MKI67: variants seen among roughly 807,000 people sequenced by gnomAD.
MKI67 encodes marker of proliferation Ki-67, also known as proliferation marker protein Ki-67.
In MKI67, 152 loss-of-function variants were observed where a neutral mutation model predicts 233.5. That is an observed-to-expected ratio of 0.65 (90% confidence interval 0.57 to 0.74). The LOEUF is 0.74. MKI67 is among the 30% of genes least tolerant of loss of function. MKI67 has a pLI of 0.00. For synonymous variants in MKI67, 1,465 were observed against 1,418.5 expected, an observed-to-expected ratio of 1.03 and a Z score of -0.74; for missense variants, 3,940 against 3,885.2, an observed-to-expected ratio of 1.01 and a Z score of -0.37.
Position 128,103,728 on chromosome 10 carries a change from T to C in MKI67, c.8112A>G (p.Ile2704Met). The change falls in exon 13 of 15, where the codon ATA becomes ATG. Residue 2704 changes from isoleucine to methionine, a missense_variant. Coordinates refer to ENST00000368654, the MANE Select transcript of MKI67 (RefSeq NM_002417.5). ...CTTCTAGTGGGGGAGATTCGCAGGG[T>C]ATTTTAGTGGCTTTGCCAGCAGTCA... ...ESLTAGKATK[I>M]PCESPPLEVV... The C allele has an allele frequency of 6.2e-7, 1 of 1,613,734 alleles. No individual in the cohort carries two copies. The highest frequency in any genetic ancestry group is 8.5e-7 in the Non-Finnish European group (1 of 1,179,948).
intron 7 of MKI67, 47 bp from the exon 8 acceptor site, chr10:128,113,649 C>G: frequency 1.3e-6 from 2 of 1,542,800 alleles, no homozygotes; most frequent in Middle Eastern, 1.7e-4. Context: ...AAAAACATAC[C>G]AAGACTAGTG....
Position 128,105,992 on chromosome 10 carries a change from C to A in MKI67, c.5848G>T (p.Ala1950Ser), listed in dbSNP as rs746888517. 3 of 1,614,186 alleles carry A rather than the reference C, an allele frequency of 1.9e-6. No homozygotes were observed. In the East Asian group the frequency reaches 6.7e-5, roughly 36 times the overall value. Residue 1950 changes from alanine (A) to serine (S), a missense_variant, in exon 13 of 15, where the codon GCT (alanine) becomes TCT (serine). Physicochemically the swap from Ala to Ser is moderately conservative, Grantham distance 99 (BLOSUM62 1). Transcript: ENST00000368654. Reference protein sequence around the residue: ...RPQTPKEKAKALEDLAGFKEL... With the variant: ...RPQTPKEKAKSLEDLAGFKEL... Reference sequence around the variant, plus strand: ...TTGAAGCCAGCCAGATCTTCTAGAGCCTTGGCCTTTTCTTTAGGAGTTTGT... The same window carrying A: ...TTGAAGCCAGCCAGATCTTCTAGAGACTTGGCCTTTTCTTTAGGAGTTTGT...
rs1852324130 is a variant in MKI67 at position 128,101,115 on chromosome 10, A to G, written c.9705+143T>C. The G allele has an allele frequency of 1.3e-5, 10 of 754,524 alleles. No individual in the cohort carries two copies. The South Asian group carries it at 1.6e-4, about 12-fold the overall frequency. 46.7% of individuals were successfully genotyped at this position (754,524 alleles called of 1,614,324 possible). On this transcript the variant is annotated intron_variant, in intron 14 of 14. Transcript: ENST00000368654. ...AAAATGACCAAATTTATGTCTTAGC[A>G]TAATGCTCCTTCCATTAATGTAACT... is the stretch of plus-strand genomic sequence containing the variant.
chr10:128,115,572 C>T lies in MKI67; in HGVS notation c.836G>A (p.Gly279Asp), dbSNP rs1590313899. The change falls in exon 7 of 15, where the codon GGT (glycine) becomes GAT (aspartate). Residue 279 changes from glycine to aspartate, a missense_variant. Coordinates refer to ENST00000368654, the MANE Select transcript of MKI67 (RefSeq NM_002417.5). The part of the protein sequence containing the change: ...DYATEKESAD[G>D]LQGETQLLVS... ...CAACAGTTGGGTCTCCCCCTGTAAA[C>T]CATCAGCACTTTCTTTCTCTGTTGC... 1 of 1,614,222 alleles carries T rather than the reference C, an allele frequency of 6.2e-7. No homozygotes were observed. Among genetic ancestry groups the T allele is most frequent in the Non-Finnish European group, 8.5e-7 (1 of 1,180,042 alleles).
At chr10:128,116,340 C>A in intron 6 of MKI67, 151 bp downstream of exon 6, 1 of 718,450 alleles carries the variant, frequency 1.4e-6, no homozygotes, top group Non-Finnish European at 2.4e-6. Context: ...AGTTAGGCAT[C>A]TGTCTGTCGT....
chr10:128,101,262 T>C lies in MKI67; in HGVS notation c.9701A>G (p.Lys3234Arg). The C allele has an allele frequency of 6.2e-7, 1 of 1,608,092 alleles. No homozygotes were observed. Among genetic ancestry groups the C allele is most frequent in the Non-Finnish European group, 8.5e-7 (1 of 1,175,062 alleles). ...RSVKRCAENP[K>R]KAEDNVCVKK... is the part of the protein sequence containing the mutation. ...GGGAAACAGTAAATGGCTTACCTTCTTTGGATTTTCTGCACACCTCTTGAC... is the reference window on the plus strand; with the variant it reads ...GGGAAACAGTAAATGGCTTACCTTCCTTGGATTTTCTGCACACCTCTTGAC... The change falls in exon 14 of 15, where the codon AAG becomes AGG. Residue 3234 changes from lysine (K) to arginine (R), a missense_variant. By Grantham distance (26) the Lys-to-Arg change is conservative. Transcript: ENST00000368654.
intron 2 of MKI67, among the ~76,000 whole-genome samples, chr10:128,123,894 C>T (rs550412695): frequency 3.7e-4 from 56 of 152,302 alleles, no homozygotes; most frequent in African/African-American, 1.3e-3. Flanking sequence ...TAAACCTATA[C>T]AAACTAATAA....
In MKI67 at chr10:128,105,670, G is replaced by T. The variant is rs930525373; in HGVS notation, c.6170C>A (p.Thr2057Asn). 4.3e-6 allele frequency: 7 copies of T among 1,613,818 alleles called. No individual in the cohort carries two copies. The East Asian group carries it at 6.7e-5, about 15-fold the overall frequency. ...TGTTCTTGGCCACCTCTCCATCCCA[G>T]TTCCATAGTTTGCTGGGTCCAGCAT... ...KQMLDPANYG[T>N]GMERWPRTPK... The change falls in exon 13 of 15, where the codon ACT becomes AAT. Residue 2057 changes from threonine to asparagine, a missense_variant. Coordinates refer to ENST00000368654, the MANE Select transcript of MKI67 (RefSeq NM_002417.5).
At position 128,099,458 on chromosome 10, in the gene MKI67, G is replaced by A. The variant is rs1421531097; in HGVS notation, c.9706-203C>T. On this transcript the variant is annotated intron_variant, in intron 14 of 14. Coordinates refer to ENST00000368654, the MANE Select transcript of MKI67 (RefSeq NM_002417.5). The stretch of plus-strand genomic sequence containing the variant: ...TGACTTGAACTGCTTTTATTATGCA[G>A]TTTTTTTACACTTAAATAATGTGAT... Among the ~76,000 whole-genome samples the A allele has an allele frequency of 4.6e-5, 7 of 152,280 alleles. No homozygotes were observed. The South Asian group carries it at 1.5e-3, about 32-fold the overall frequency.
chr10:128,108,678 C>T lies in MKI67; in HGVS notation c.3162G>A (p.Thr1054=), dbSNP rs1395550754. ...TGCCATCTCCTGCTGGCTCTCTGTG[C>T]GTGTGCGTGGTCTCCCCTGACGTCC... ...FTRTSGETTH[T]HREPAGDGKS... The change falls in exon 13 of 15, where the codon ACG becomes ACA. Residue 1054 remains threonine (T), a synonymous_variant. Coordinates refer to ENST00000368654, the MANE Select transcript of MKI67 (RefSeq NM_002417.5). The T allele has an allele frequency of 6.8e-6, 11 of 1,614,042 alleles. No individual in the cohort carries two copies. The Admixed American group carries it at 1.2e-4, about 17-fold the overall frequency.
chr10:128,102,647 G>A lies in MKI67; in HGVS notation c.9193C>T (p.Leu3065=). 6.2e-7 allele frequency: 1 copy of A among 1,614,184 alleles called. No individual in the cohort carries two copies. The highest frequency in any genetic ancestry group is 8.5e-7 in the Non-Finnish European group (1 of 1,180,020). The change falls in exon 13 of 15, where the codon CTG becomes TTG. Residue 3065 remains leucine, a synonymous_variant. Transcript: ENST00000368654. ...SAKRIEPAEE[L]NSNDMKTNKE... is the part of the protein sequence containing the mutation. ...TTGGTTTTCATGTCGTTGCTGTTCA[G>A]CTCTTCCGCAGGTTCAATTCTTTTT...
In MKI67 at chr10:128,106,701, G is replaced by T; in HGVS notation, c.5139C>A (p.Phe1713Leu). The change falls in exon 13 of 15, where the codon TTC (phenylalanine) becomes TTA (leucine). Residue 1713 changes from phenylalanine (F) to leucine (L), a missense_variant. Physicochemically the swap from Phe to Leu is conservative, Grantham distance 22. Coordinates refer to ENST00000368654, the MANE Select transcript of MKI67 (RefSeq NM_002417.5). The part of the protein sequence containing the change: ...KSEVPEDLAG[F>L]IELFQTPSHT... ...GACTTGGTGTCTGGAAGAGCTCGAT[G>T]AAGCCGGCCAGGTCTTCAGGGACTT... 1 of 1,613,704 alleles carries T rather than the reference G, an allele frequency of 6.2e-7. No individual in the cohort carries two copies. The highest frequency in any genetic ancestry group is 8.5e-7 in the Non-Finnish European group (1 of 1,179,914).
At position 128,103,347 on chromosome 10, in the gene MKI67, T is replaced by C. The variant is rs1180671310; in HGVS notation, c.8493A>G (p.Leu2831=). The stretch of plus-strand genomic sequence containing the variant: ...TCTTTGAGCTTGTTGCGGTGTCTTC[T>C]AGTTCTGGTGATGATTTGCAGGGTA... The part of the protein sequence containing the change: ...TKIPCKSSPE[L]EDTATSSKRR... Residue 2831 remains leucine (L), a synonymous_variant, in exon 13 of 15, where the codon CTA becomes CTG. Transcript: ENST00000368654. 5.0e-6 allele frequency: 8 copies of C among 1,614,160 alleles called. No individual in the cohort carries two copies. The highest frequency in any genetic ancestry group is 6.8e-6 in the Non-Finnish European group (8 of 1,180,050).
At chr10:128,100,401 C>G (rs970690092) in intron 14 of MKI67, among the ~76,000 whole-genome samples, 1 of 152,096 alleles carries the variant, frequency 6.6e-6, no homozygotes, top group Non-Finnish European at 1.5e-5. Context: ...TAGTTTGTGC[C>G]GAAGAGGGTC....
In MKI67 at chr10:128,115,593, G is replaced by A; in HGVS notation, c.815C>T (p.Thr272Ile). 1.2e-6 allele frequency: 2 copies of A among 1,614,166 alleles called. No individual in the cohort carries two copies. The highest frequency in any genetic ancestry group is 1.7e-6 in the Non-Finnish European group (2 of 1,180,036). ...TAAACCATCAGCACTTTCTTTCTCT[G>A]TTGCGTAATCAGTTTGTAATCCAGA... is the stretch of plus-strand genomic sequence containing the variant. ...RKSGLQTDYA[T>I]EKESADGLQG... is the part of the protein sequence containing the mutation. The change falls in exon 7 of 15, where the codon ACA (threonine) becomes ATA (isoleucine). Residue 272 changes from threonine to isoleucine, a missense_variant. Coordinates refer to ENST00000368654, the MANE Select transcript of MKI67 (RefSeq NM_002417.5).
chr10:128,108,079 G>A lies in MKI67; in HGVS notation c.3761C>T (p.Pro1254Leu), dbSNP rs774942870. Reference protein sequence around the residue: ...GKTTKIPCDSPQSDPVDTPTS... With the variant: ...GKTTKIPCDSLQSDPVDTPTS... ...TGGGGTGTCCACTGGGTCTGACTGT[G>A]GAGAGTCGCAGGGTATTTTAGTGGT... Residue 1254 changes from proline (P) to leucine (L), a missense_variant, in exon 13 of 15, where the codon CCA (proline) becomes CTA (leucine). Pro to Leu is a moderately conservative substitution (Grantham distance 98, BLOSUM62 -3). Coordinates refer to ENST00000368654, the MANE Select transcript of MKI67 (RefSeq NM_002417.5). 1 of 1,613,446 alleles carries A rather than the reference G, an allele frequency of 6.2e-7. No homozygotes were observed. Among genetic ancestry groups the A allele is most frequent in the Admixed American group, 1.7e-5 (1 of 59,932 alleles).
chr10:128,118,889 G>C (rs996975023), intron 5 of MKI67, among the ~76,000 whole-genome samples: 1 of 152,170 alleles, frequency 6.6e-6, no homozygotes, highest in African/African-American at 2.4e-5. Context: ...AAAGACGGAT[G>C]AGTACAATGA....
Position 128,108,012 on chromosome 10 carries a change from T to A in MKI67, c.3828A>T (p.Ala1276=). 1 of 1,613,888 alleles carries A rather than the reference T, an allele frequency of 6.2e-7. No homozygotes were observed. The highest frequency in any genetic ancestry group is 8.5e-7 in the Non-Finnish European group (1 of 1,179,962). The change falls in exon 13 of 15, where the codon GCA becomes GCT. Residue 1276 remains alanine, a synonymous_variant. Transcript: ENST00000368654. The stretch of plus-strand genomic sequence containing the variant: ...ACGCTAAGAGTTCTCCCTCTACATC[T>A]GCTTTCCTGATACTTCTCTTGGGTC... ...KQRPKRSIRK[A]DVEGELLACR...
rs1039218851 is a variant in MKI67, at chr10:128,097,525, C to A, written c.*1665G>T. On this transcript the variant is annotated 3_prime_UTR_variant, in exon 15 of 15. Coordinates refer to ENST00000368654, the MANE Select transcript of MKI67 (RefSeq NM_002417.5). The stretch of plus-strand genomic sequence containing the variant: ...TAAACAGAATATTCCACTCCACAGG[C>A]ATATGGCTGGATGAAATTTTTCTAT... The A allele has an allele frequency of 6.6e-6, 1 of 152,172 alleles. No homozygotes were observed. The highest frequency in any genetic ancestry group is 1.5e-5 in the Non-Finnish European group (1 of 68,032). 9.4% of individuals were successfully genotyped at this position (152,172 alleles called of 1,614,324 possible). A position where few individuals can be genotyped will look rare whatever the true frequency, so the allele number is the denominator to read the frequency against.
Sources: gnomAD v4.1 joint callset for allele counts (sites outside exome capture counted in the v4.1 genomes callset) on GRCh38, gnomAD v4.1.1 for gene constraint, MANE v1.5 for transcripts, NCBI Gene and HGNC (gene_info 2026-07-23, HGNC 2026-07-21) for gene names.